Variants in NEDD4L observed in about 807,000 individuals in gnomAD.
The protein encoded by NEDD4L is E3 ubiquitin-protein ligase NEDD4-like.
A neutral mutation model predicts 148.9 loss-of-function variants in NEDD4L; 54 were observed. The ratio of observed to expected loss-of-function variants is 0.36; its 90% CI spans 0.29 to 0.45. The LOEUF (loss-of-function observed/expected upper bound fraction) is 0.45, where lower values mean the gene tolerates loss of function less well. NEDD4L is among the 20% of genes least tolerant of loss of function. The probability of loss-of-function intolerance (pLI) is 1.00; values close to 1 mark genes in which losing one functional copy is unlikely to be tolerated. For synonymous variants in NEDD4L, 433 were observed against 440.7 expected (o/e 0.98, Z 0.22); for missense variants, 856 against 1,233.8 (o/e 0.69, Z 4.59).
At chr18:58,329,350 A>ATTATTT (rs899378581) in intron 10 of NEDD4L, among the ~76,000 whole-genome samples, 4 of 152,074 alleles carry the variant, frequency 2.6e-5, no homozygotes, top group African/African-American at 7.2e-5. Context: ...TGGGAATAAC[A>ATTATTT]TTATTTTTAT....
In NEDD4L at chr18:58,396,302, A is replaced by C. The variant is rs1453963020; in HGVS notation, c.*33A>C. 6.9e-7 allele frequency: 1 copy of C among 1,449,654 alleles called. No individual in the cohort carries two copies. The highest frequency in any genetic ancestry group is 9.6e-7 in the Non-Finnish European group (1 of 1,037,466). The allele number at this position is 1,449,654 out of a possible 1,614,324, so 89.8% of individuals were successfully genotyped here. ...GTGCCTCGGGGGTGGTTGTTCTTCA[A>C]GCAAGTTCTGCTTGCACTTTTGCAT... On this transcript the variant is annotated 3_prime_UTR_variant, in exon 31 of 31. Coordinates refer to ENST00000400345, the MANE Select transcript of NEDD4L (RefSeq NM_001144967.3).
rs575867091 is a variant in NEDD4L at position 58,235,913 on chromosome 18, G to A, written c.123-9514G>A. 6.9e-3 allele frequency among the ~76,000 whole-genome samples: 1,051 copies of A among 152,230 alleles called. 16 individuals are homozygous for A. Among genetic ancestry groups the A allele is most frequent in the African/African-American group, 0.024 (985 of 41,544 alleles). On this transcript the variant is annotated intron_variant, in intron 2 of 30. Coordinates refer to ENST00000400345, the MANE Select transcript of NEDD4L (RefSeq NM_001144967.3). Reference sequence around the variant, plus strand: ...CCGGGTGTGGTGGCTCACATCTGTAGTCCCAGCTACTTGGGAGGCTGAGGC... The same window carrying A: ...CCGGGTGTGGTGGCTCACATCTGTAATCCCAGCTACTTGGGAGGCTGAGGC...
chr18:58,195,703 C>T (rs751548646), intron 2 of NEDD4L: 1 of 1,352,134 alleles, frequency 7.4e-7, no homozygotes, highest in Non-Finnish European at 9.8e-7. Flanking sequence ...CCGCTCCCCA[C>T]TTCAGACGAG....
At chr18:58,109,735 T>C (rs923541849) in intron 1 of NEDD4L, among the ~76,000 whole-genome samples, 7 of 151,938 alleles carry the variant, frequency 4.6e-5, no homozygotes, top group African/African-American at 1.5e-4. Context: ...CACACCTGGC[T>C]AATTTTGTAT....
intron 5 of NEDD4L, among the ~76,000 whole-genome samples, chr18:58,295,236 G>A (rs980119145): frequency 3.9e-5 from 6 of 152,244 alleles, no homozygotes; most frequent in African/African-American, 1.4e-4. Context: ...TAATTTCACT[G>A]CCCTAAAAAT....
intron 1 of NEDD4L, among the ~76,000 whole-genome samples, chr18:58,136,169 A>G (rs975410710): frequency 6.6e-6 from 1 of 152,168 alleles, no homozygotes; most frequent in Non-Finnish European, 1.5e-5. Flanking sequence ...GTTAATAACA[A>G]TTTTGGCTCT....
intron 6 of NEDD4L, among the ~76,000 whole-genome samples, chr18:58,319,862 T>G (rs1049000472): frequency 1.3e-5 from 2 of 152,168 alleles, no homozygotes; most frequent in Non-Finnish European, 2.9e-5. Context: ...GTTTGTTGAG[T>G]GTGCCAGGTG....
chr18:58,306,275 A>G (rs375348758), intron 5 of NEDD4L, among the ~76,000 whole-genome samples: 3 of 151,570 alleles, frequency 2.0e-5, no homozygotes, highest in African/African-American at 7.3e-5. Flanking sequence ...GCTTTAAAAG[A>G]TATCAGGGGT....
intron 1 of NEDD4L, among the ~76,000 whole-genome samples, chr18:58,061,131 C>T (rs1359190713): frequency 6.6e-6 from 1 of 152,174 alleles, no homozygotes; most frequent in Non-Finnish European, 1.5e-5. Flanking sequence ...GCCAGAGATG[C>T]AGCAGAACAT....
intron 5 of NEDD4L, among the ~76,000 whole-genome samples, chr18:58,260,326 T>G (rs1035492570): frequency 1.3e-5 from 2 of 152,228 alleles, no homozygotes; most frequent in African/African-American, 4.8e-5. Context: ...TAAACCAATA[T>G]ATATCTTCAA....
intron 10 of NEDD4L, 124 bp downstream of exon 10, chr18:58,329,251 G>T (rs550486308): frequency 1.8e-6 from 2 of 1,124,436 alleles, no homozygotes; most frequent in Non-Finnish European, 1.3e-6. Context: ...TTACAGTGAC[G>T]CAGGGAATTA....
intron 2 of NEDD4L, among the ~76,000 whole-genome samples, chr18:58,230,234 A>C (rs2044973576): frequency 6.6e-6 from 1 of 152,194 alleles, no homozygotes; most frequent in South Asian, 2.1e-4. Context: ...TCCCAAAGTT[A>C]GTCCTCAAAC....
chr18:58,167,868 T>G (rs989550785), intron 2 of NEDD4L, among the ~76,000 whole-genome samples: 2 of 152,200 alleles, frequency 1.3e-5, no homozygotes, highest in Non-Finnish European at 2.9e-5. Flanking sequence ...ATTTTGGTGA[T>G]TTCTTTTTAA....
chr18:58,229,465 G>A (rs572779817), intron 2 of NEDD4L, among the ~76,000 whole-genome samples: 1 of 152,006 alleles, frequency 6.6e-6, no homozygotes, highest in Admixed American at 6.6e-5. Context: ...TAACCTAGCT[G>A]GGGGGGAGCT....
chr18:58,174,200 C>T (rs2037836177), intron 2 of NEDD4L, among the ~76,000 whole-genome samples: 1 of 151,940 alleles, frequency 6.6e-6, no homozygotes, highest in Admixed American at 6.6e-5. Context: ...TCAGGTGCTT[C>T]TCTCCTTCCC....
At chr18:58,066,095 TTAC>T (rs369353539) in intron 1 of NEDD4L, among the ~76,000 whole-genome samples, 25 of 152,354 alleles carry the variant, frequency 1.6e-4, no homozygotes, top group African/African-American at 5.8e-4. Context: ...ATAGCAGAAA[TTAC>T]TGCTGGATTT....
intron 1 of NEDD4L, among the ~76,000 whole-genome samples, chr18:58,153,268 T>A (rs2035029429): frequency 6.6e-6 from 1 of 151,716 alleles, no homozygotes; most frequent in East Asian, 1.9e-4. Context: ...AGAAGCTTTG[T>A]GGAAGGATAC....
At position 58,256,385 on chromosome 18, in the gene NEDD4L, C is replaced by T; in HGVS notation, c.297+4331C>T. 2 of 1,232,348 alleles carry T rather than the reference C, an allele frequency of 1.6e-6. No homozygotes were observed. Among genetic ancestry groups the T allele is most frequent in the Non-Finnish European group, 2.0e-6 (2 of 988,100 alleles). 76.3% of individuals were successfully genotyped at this position (1,232,348 alleles called of 1,614,324 possible). On this transcript the variant is annotated intron_variant, in intron 5 of 30. Coordinates refer to ENST00000400345, the MANE Select transcript of NEDD4L (RefSeq NM_001144967.3). The surrounding 1 kb of genome is among the most constrained non-coding windows in gnomAD (Gnocchi z 5.2). ...GTGTTTTGTCTTCCAGTTGCAGCAG[C>T]CCCAACAAGGCGCTTCGGGGCCAGG...
chr18:58,302,452 G>T (rs1024858523), intron 5 of NEDD4L, among the ~76,000 whole-genome samples: 1 of 152,082 alleles, frequency 6.6e-6, no homozygotes, highest in Non-Finnish European at 1.5e-5. Flanking sequence ...AATAGAACAG[G>T]GTTTCTCAAA....
Sources: allele counts gnomAD v4.1 joint callset (sites outside exome capture counted in the v4.1 genomes callset), GRCh38; gene constraint gnomAD v4.1.1; non-coding constraint Gnocchi (gnomAD v3.1); transcripts MANE v1.5; gene names NCBI Gene and HGNC (gene_info 2026-07-23, HGNC 2026-07-21).